NCKAP5: variants seen among roughly 807,000 people sequenced by gnomAD.
NCKAP5 encodes NCK associated protein 5, also known as nck-associated protein 5.
Under a neutral mutation model 167.0 loss-of-function variants are expected in NCKAP5, and 92 were observed. The ratio of observed to expected loss-of-function variants is 0.55; its 90% CI spans 0.47 to 0.66. NCKAP5 has a LOEUF of 0.66. Ranked by LOEUF, NCKAP5 falls within the 30% of genes least tolerant of loss-of-function variation. The pLI, the probability that NCKAP5 is intolerant of heterozygous loss-of-function variation, is 0.00. For synonymous variants in NCKAP5, 891 were observed against 877.4 expected (o/e 1.02, Z -0.27); for missense variants, 2,378 against 2,315.0 (o/e 1.03, Z -0.56).
chr2:133,136,752 T>C (rs1442339470), intron 5 of NCKAP5, among the ~76,000 whole-genome samples: 1 of 152,204 alleles, frequency 6.6e-6, no homozygotes, highest in African/African-American at 2.4e-5. Context: ...TTCCTGTATA[T>C]TGATAGAAAA....
At chr2:133,634,709 G>A in the NCKAP5 span, among the ~76,000 whole-genome samples, 11 of 151,980 alleles carry the variant, frequency 7.2e-5, no homozygotes, top group Non-Finnish European at 1.5e-4. Context: ...AGGATTGCCT[G>A]GTACAATACA....
intron 16 of NCKAP5, among the ~76,000 whole-genome samples, chr2:132,735,039 C>T (rs891469963): frequency 5.9e-5 from 9 of 152,278 alleles, no homozygotes; most frequent in South Asian, 2.1e-4. Context: ...CCACTGTCAA[C>T]ATGCCTGGCA....
Position 133,055,857 on chromosome 2 carries a change from T to A in NCKAP5, c.342-61618A>T, listed in dbSNP as rs546519615. Among the ~76,000 whole-genome samples, 13 of 152,286 alleles carry A rather than the reference T, an allele frequency of 8.5e-5. No homozygotes were observed. The South Asian group carries it at 2.7e-3, about 32-fold the overall frequency. Reference sequence around the variant, plus strand: ...TTTGGAGAGATCTCTGAATTTTCCATCTGGCCAGGCTGCTCCTGAGCTTTG... The same window carrying A: ...TTTGGAGAGATCTCTGAATTTTCCAACTGGCCAGGCTGCTCCTGAGCTTTG... On this transcript the variant is annotated intron_variant, in intron 6 of 19. Transcript: ENST00000409261.
intron 10 of NCKAP5, among the ~76,000 whole-genome samples, chr2:132,866,610 T>C (rs1690377303): frequency 6.6e-6 from 1 of 152,182 alleles, no homozygotes; most frequent in South Asian, 2.1e-4. Context: ...AGGATACTTG[T>C]CTGGGCCAAT....
intron 3 of NCKAP5, among the ~76,000 whole-genome samples, chr2:133,378,050 T>C (rs1273093060): frequency 6.6e-6 from 1 of 152,092 alleles, no homozygotes; most frequent in Non-Finnish European, 1.5e-5. Context: ...GATTAGACAA[T>C]CCCCATAAAA....
chr2:133,542,196 C>T (rs901838398), intron 2 of NCKAP5, among the ~76,000 whole-genome samples: 19 of 152,096 alleles, frequency 1.2e-4, no homozygotes, highest in South Asian at 6.2e-4. Context: ...ACGAACATGA[C>T]GAATGTCTAT....
chr2:133,152,748 T>C (rs1383870855), intron 5 of NCKAP5, among the ~76,000 whole-genome samples: 2 of 152,216 alleles, frequency 1.3e-5, no homozygotes, highest in Non-Finnish European at 2.9e-5. Context: ...TTTTGGTCAA[T>C]GACTGACCCC....
intron 2 of NCKAP5, among the ~76,000 whole-genome samples, chr2:133,538,460 A>C (rs541857619): frequency 6.5e-4 from 99 of 152,260 alleles, no homozygotes; most frequent in African/African-American, 2.4e-3. Context: ...TCAAAGTAAA[A>C]ATCTTCCATA....
intron 3 of NCKAP5, among the ~76,000 whole-genome samples, chr2:133,352,697 A>C (rs1048056314): frequency 1.3e-5 from 2 of 152,216 alleles, no homozygotes; most frequent in Non-Finnish European, 2.9e-5. Context: ...GTTCACATTC[A>C]GAGAATGCTC....
intron 18 of NCKAP5, 31 bp from the exon 19 acceptor site, chr2:132,725,790 A>G (rs779433484): frequency 6.2e-7 from 1 of 1,606,868 alleles, no homozygotes; most frequent in South Asian, 1.1e-5. Context: ...TGTTAAGATA[A>G]TTCATACAAA....
At chr2:133,371,370 G>C (rs1685794583) in intron 3 of NCKAP5, among the ~76,000 whole-genome samples, 1 of 152,166 alleles carries the variant, frequency 6.6e-6, no homozygotes, top group Non-Finnish European at 1.5e-5. Context: ...TAAATCCCTA[G>C]GCAAGAAGCA....
chr2:133,333,779 G>GCC, intron 3 of NCKAP5: 1 of 152,176 alleles, frequency 6.6e-6, no homozygotes, highest in Non-Finnish European at 1.5e-5. Flanking sequence ...CCTACACAGT[G>GCC]AGGGACTGCA....
intron 19 of NCKAP5, among the ~76,000 whole-genome samples, chr2:132,709,794 A>G (rs1402743679): frequency 6.6e-6 from 1 of 152,114 alleles, no homozygotes; most frequent in Non-Finnish European, 1.5e-5. Context: ...AACTTATACA[A>G]CTTATAAAGA....
At chr2:132,792,684 C>A (rs1330415237) in intron 12 of NCKAP5, among the ~76,000 whole-genome samples, 1 of 152,174 alleles carries the variant, frequency 6.6e-6, no homozygotes, top group African/African-American at 2.4e-5. Flanking sequence ...ACTCCAATGA[C>A]CTTTCTGCAC....
intron 6 of NCKAP5, among the ~76,000 whole-genome samples, chr2:133,048,166 GC>G (rs2149476977): frequency 6.6e-6 from 1 of 152,196 alleles, no homozygotes; most frequent in Admixed American, 6.5e-5. Flanking sequence ...ATAACCAATT[GC>G]CCTGTAAGCG....
chr2:133,178,804 A>T (rs1324817914), intron 5 of NCKAP5, among the ~76,000 whole-genome samples: 1 of 143,852 alleles, frequency 7.0e-6, no homozygotes, highest in African/African-American at 2.6e-5. Flanking sequence ...CAGCCTGGGC[A>T]ACAGAGCAAG....
Position 133,393,718 on chromosome 2 carries a change from C to G in NCKAP5, c.70-90608G>C, listed in dbSNP as rs570528624. On this transcript the variant is annotated intron_variant, in intron 3 of 19. Transcript: ENST00000409261. ...TCCAGAACAAATAAAAATGAATAAA[C>G]AACTATCTTCGCCCTTCCTGCCATG... Among the ~76,000 whole-genome samples the G allele has an allele frequency of 4.5e-4, 69 of 152,282 alleles. 1 individual carries two copies. The highest frequency in any genetic ancestry group is 1.5e-3 in the African/African-American group (61 of 41,572).
intron 19 of NCKAP5, among the ~76,000 whole-genome samples, chr2:132,683,847 T>C (rs1685585157): frequency 6.6e-6 from 1 of 152,168 alleles, no homozygotes; most frequent in Non-Finnish European, 1.5e-5. Flanking sequence ...GCTGATGACA[T>C]TCTTAGAGGC....
At chr2:133,370,700 G>GT (rs1685747600) in intron 3 of NCKAP5, among the ~76,000 whole-genome samples, 5 of 145,992 alleles carry the variant, frequency 3.4e-5, no homozygotes, top group Admixed American at 2.7e-4. Flanking sequence ...TTTGGCTAAC[G>GT]TATTTTTTTT....
Sources: gnomAD v4.1 joint callset for allele counts (sites outside exome capture counted in the v4.1 genomes callset) on GRCh38, gnomAD v4.1.1 for gene constraint, MANE v1.5 for transcripts, NCBI Gene and HGNC (gene_info 2026-07-23, HGNC 2026-07-21) for gene names.